The following GDA variants were observed in gnomAD, a reference collection of about 807,000 sequenced individuals.
GDA encodes guanine deaminase, also known as cytoplasmic PSD-95 interactor.
In GDA, 18 loss-of-function variants were observed where a neutral mutation model predicts 59.6. The ratio of observed to expected loss-of-function variants is 0.30; its 90% CI spans 0.21 to 0.45. The LOEUF (loss-of-function observed/expected upper bound fraction) is 0.45, where lower values mean the gene tolerates loss of function less well. GDA is among the 20% of genes least tolerant of loss of function. The pLI is 1.00. For missense variants in GDA, 427 were observed against 552.3 expected (o/e 0.77, Z 2.27); for synonymous variants, 201 against 201.1 (o/e 1.00, Z 0.00).
chr9:72,249,237 G>T lies in GDA; in HGVS notation c.*895G>T, dbSNP rs191245546. 1.0e-5 allele frequency: 10 copies of T among 984,876 alleles called. No homozygotes were observed. Among genetic ancestry groups the T allele is most frequent in the Non-Finnish European group, 1.2e-5 (10 of 829,478 alleles). The allele number at this position is 984,876 out of a possible 1,614,324, so 61.0% of individuals were successfully genotyped here. On this transcript the variant is annotated 3_prime_UTR_variant, in exon 14 of 14. Transcript: ENST00000358399. ...GGAGTCTTCGTGAACTGGGGCAAATGCTGGCATCCAGGAGCCGCCAATACT... is the reference window on the plus strand; with the variant it reads ...GGAGTCTTCGTGAACTGGGGCAAATTCTGGCATCCAGGAGCCGCCAATACT...
At chr9:72,202,174 G>A (rs1023933804) in intron 2 of GDA, among the ~76,000 whole-genome samples, 25 of 152,166 alleles carry the variant, frequency 1.6e-4, no homozygotes, top group African/African-American at 4.8e-5. Context: ...TGCTCAGCAC[G>A]GCTCTAGAAG....
Position 72,245,034 on chromosome 9 carries a change from T to C in GDA, c.1136-114T>C, listed in dbSNP as rs947500828. 1.5e-5 allele frequency: 13 copies of C among 860,756 alleles called. 1 individual carries two copies. The Middle Eastern group carries it at 6.9e-4, about 46-fold the overall frequency. 53.3% of individuals were successfully genotyped at this position (860,756 alleles called of 1,614,324 possible). Reference sequence around the variant, plus strand: ...ATTTTCTGTCTCACTGTTAAGATACTAATTTTTTTTTTTCTCCTAGCGACA... The same window carrying C: ...ATTTTCTGTCTCACTGTTAAGATACCAATTTTTTTTTTTCTCCTAGCGACA... On this transcript the variant is annotated intron_variant, in intron 11 of 13. Transcript: ENST00000358399.
intron 1 of GDA, among the ~76,000 whole-genome samples, chr9:72,115,829 G>T (rs1825417800): frequency 6.6e-6 from 1 of 152,156 alleles, no homozygotes; most frequent in Non-Finnish European, 1.5e-5. Flanking sequence ...ACTCAACAAG[G>T]TTGAGCTGCT....
rs189401044 is a variant in GDA at position 72,226,171 on chromosome 9, A to G, written c.822+387A>G. On this transcript the variant is annotated intron_variant, in intron 8 of 13. Transcript: ENST00000358399. ...AACCTACATTTCTTTGAGTCAGCAGATGCATTTCTAAGAATTCACTCTAAG... is the reference window on the plus strand; with the variant it reads ...AACCTACATTTCTTTGAGTCAGCAGGTGCATTTCTAAGAATTCACTCTAAG... 6.2e-3 allele frequency among the ~76,000 whole-genome samples: 937 copies of G among 152,282 alleles called. 5 individuals are homozygous for G. Among genetic ancestry groups the G allele is most frequent in the Non-Finnish European group, 8.1e-3 (554 of 68,024 alleles).
At position 72,242,163 on chromosome 9, in the gene GDA, T is replaced by C. The variant is rs558874797; in HGVS notation, c.1135+865T>C. Among the ~76,000 whole-genome samples, 5 of 152,256 alleles carry C rather than the reference T, an allele frequency of 3.3e-5. No homozygotes were observed. In the East Asian group the frequency reaches 9.6e-4, roughly 29 times the overall value. ...TATGATTTGAATCCACCTAATCTGA[T>C]GCCAGCATGCAGATTTCTTACCTTC... On this transcript the variant is annotated intron_variant, in intron 11 of 13. Coordinates refer to ENST00000358399, the MANE Select transcript of GDA (RefSeq NM_004293.5).
At chr9:72,152,040 G>A (rs1827280090) in intron 1 of GDA, among the ~76,000 whole-genome samples, 1 of 152,176 alleles carries the variant, frequency 6.6e-6, no homozygotes, top group South Asian at 2.1e-4. Flanking sequence ...CCTGGGGTAG[G>A]CCCCAGAAAG....
intron 11 of GDA, among the ~76,000 whole-genome samples, chr9:72,243,874 A>C (rs1393876422): frequency 2.6e-5 from 4 of 152,176 alleles, no homozygotes; most frequent in Admixed American, 1.3e-4. Flanking sequence ...TGCAACAAAT[A>C]CATGTGAAAA....
chr9:72,219,952 A>G (rs1836648911), intron 6 of GDA, among the ~76,000 whole-genome samples: 3 of 152,256 alleles, frequency 2.0e-5, no homozygotes, highest in Admixed American at 2.0e-4. Flanking sequence ...CAAAATAAGC[A>G]TCTTGAAAAG....
At chr9:72,174,523 A>T (rs1472820556) in intron 1 of GDA, among the ~76,000 whole-genome samples, 1 of 152,188 alleles carries the variant, frequency 6.6e-6, no homozygotes, top group Non-Finnish European at 1.5e-5. Flanking sequence ...TAAGCCAGGT[A>T]GCTTGGTTCT....
chr9:72,248,414 T>C lies in GDA; in HGVS notation c.*72T>C, dbSNP rs1025011330. ...CATCTCCCTTGTGCCCAGGTGGAGT[T>C]AGAAAGTCAAAAAATAGTACCTTGT... On this transcript the variant is annotated 3_prime_UTR_variant, in exon 14 of 14. Coordinates refer to ENST00000358399, the MANE Select transcript of GDA (RefSeq NM_004293.5). The C allele has an allele frequency of 5.6e-6, 9 of 1,603,886 alleles. No individual in the cohort carries two copies. Among genetic ancestry groups the C allele is most frequent in the Non-Finnish European group, 7.7e-6 (9 of 1,176,234 alleles).
chr9:72,179,312 A>G (rs1305179117), intron 1 of GDA, among the ~76,000 whole-genome samples: 3 of 152,212 alleles, frequency 2.0e-5, no homozygotes, highest in Non-Finnish European at 4.4e-5. Flanking sequence ...CCTTATGTTT[A>G]CAGAGAACTT....
chr9:72,116,121 C>A (rs1488379046), intron 1 of GDA, among the ~76,000 whole-genome samples: 1 of 151,854 alleles, frequency 6.6e-6, no homozygotes, highest in Non-Finnish European at 1.5e-5. Context: ...GTAATCCCAG[C>A]TACTCGGGAG....
Position 72,248,991 on chromosome 9 carries a change from A to G in GDA, c.*649A>G, listed in dbSNP as rs147950956. On this transcript the variant is annotated 3_prime_UTR_variant, in exon 14 of 14. Transcript: ENST00000358399. ...TTTGGCGATGAATGTCAGAAATTGAATGCCACATGCTTTCATAATATAGTT... is the reference window on the plus strand; with the variant it reads ...TTTGGCGATGAATGTCAGAAATTGAGTGCCACATGCTTTCATAATATAGTT... The G allele has an allele frequency of 2.0e-4, 193 of 985,038 alleles. 1 individual carries two copies. The African/African-American group carries it at 3.2e-3, about 16-fold the overall frequency. 61.0% of individuals were successfully genotyped at this position (985,038 alleles called of 1,614,324 possible). A position where few individuals can be genotyped will look rare whatever the true frequency, so the allele number is the denominator to read the frequency against.
At chr9:72,157,393 T>C (rs954927785) in intron 1 of GDA, among the ~76,000 whole-genome samples, 1 of 152,174 alleles carries the variant, frequency 6.6e-6, no homozygotes, top group Non-Finnish European at 1.5e-5. Flanking sequence ...TCTCTGTTAG[T>C]TGGGTACTGT....
intron 1 of GDA, among the ~76,000 whole-genome samples, chr9:72,170,966 A>G (rs991504933): frequency 6.6e-6 from 1 of 152,104 alleles, no homozygotes; most frequent in African/African-American, 2.4e-5. Flanking sequence ...ACAGGCGTGC[A>G]CCACCATGCC....
intron 3 of GDA, among the ~76,000 whole-genome samples, chr9:72,205,206 T>C (rs1227250611): frequency 6.6e-6 from 1 of 151,804 alleles, no homozygotes; most frequent in African/African-American, 2.4e-5. Flanking sequence ...AACTTTTAAG[T>C]TGGAGGCACT....
intron 10 of GDA, among the ~76,000 whole-genome samples, chr9:72,238,723 C>T (rs1839287633): frequency 1.3e-5 from 2 of 152,172 alleles, no homozygotes; most frequent in African/African-American, 4.8e-5. Flanking sequence ...ATGATACCAT[C>T]TTCATTGTGA....
upstream of GDA, among the ~76,000 whole-genome samples, chr9:72,145,954 A>G (rs1826613292): frequency 1.3e-5 from 2 of 152,188 alleles, no homozygotes; most frequent in African/African-American, 4.8e-5. Flanking sequence ...CCTCCTAGTG[A>G]CCAGGGACTG....
chr9:72,214,047 A>T (rs1835772490), intron 5 of GDA, 56 bp downstream of exon 5: 1 of 974,556 alleles, frequency 1.0e-6, no homozygotes, highest in African/African-American at 1.6e-5. Context: ...TGCTGCACTG[A>T]TGGAGTTAGA....
Sources: gnomAD v4.1 joint callset for allele counts (sites outside exome capture counted in the v4.1 genomes callset) on GRCh38, gnomAD v4.1.1 for gene constraint, MANE v1.5 for transcripts, NCBI Gene and HGNC (gene_info 2026-07-23, HGNC 2026-07-21) for gene names.